The following GALNT13 variants were observed in gnomAD, a reference collection of about 807,000 sequenced individuals.
The protein encoded by GALNT13 is UDP-GalNAc:polypeptide N-acetylgalactosaminyltransferase 13.
In GALNT13, 28 loss-of-function variants were observed where a neutral mutation model predicts 64.2. That is an observed-to-expected ratio of 0.44 (90% CI 0.32 to 0.60). The LOEUF is 0.60. GALNT13 is among the 20% of genes least tolerant of loss of function. GALNT13 has a pLI of 0.05. For synonymous variants in GALNT13, 214 were observed against 224.6 expected, an observed-to-expected ratio of 0.95 and a Z score of 0.42; for missense variants, 577 against 669.8, an observed-to-expected ratio of 0.86 and a Z score of 1.53.
At chr2:153,190,966 G>GT in the GALNT13 span, among the ~76,000 whole-genome samples, 1 of 150,884 alleles carries the variant, frequency 6.6e-6, no homozygotes, top group East Asian at 1.9e-4. Flanking sequence ...GATCTAAGAG[G>GT]TTTTTTTAAG....
At chr2:153,777,936 C>T in the GALNT13 span, among the ~76,000 whole-genome samples, 1 of 152,182 alleles carries the variant, frequency 6.6e-6, no homozygotes, top group African/African-American at 2.4e-5. Flanking sequence ...AATCAGATCA[C>T]ACATCAGCTT....
intron 9 of GALNT13, among the ~76,000 whole-genome samples, chr2:154,329,659 G>C (rs547340704): frequency 4.6e-5 from 7 of 152,172 alleles, no homozygotes; most frequent in African/African-American, 1.4e-4. Flanking sequence ...CCCAGTGTTG[G>C]AGGTAGAGCC....
intron 3 of GALNT13, among the ~76,000 whole-genome samples, chr2:154,037,735 C>G (rs1698744825): frequency 6.6e-6 from 1 of 152,026 alleles, no homozygotes; most frequent in Non-Finnish European, 1.5e-5. Flanking sequence ...GAAAAGAAGT[C>G]AAGAAAGTAA....
the GALNT13 span, among the ~76,000 whole-genome samples, chr2:153,849,337 A>G: frequency 6.6e-6 from 1 of 152,186 alleles, no homozygotes; most frequent in Admixed American, 6.5e-5. Flanking sequence ...TCCCTTAGAG[A>G]ATAGAAATAA....
At chr2:154,449,978 G>A (rs1701801607) in intron 12 of GALNT13, among the ~76,000 whole-genome samples, 1 of 151,978 alleles carries the variant, frequency 6.6e-6, no homozygotes. Context: ...AACATCTCTA[G>A]CAGTTTTGTT....
rs559298272 is a variant in GALNT13 at position 154,292,356 on chromosome 2, A to G, written c.976-9053A>G. Among the ~76,000 whole-genome samples, 3 of 152,362 alleles carry G rather than the reference A, an allele frequency of 2.0e-5. No individual in the cohort carries two copies. In the South Asian group the frequency reaches 6.2e-4, roughly 32 times the overall value. On this transcript the variant is annotated intron_variant, in intron 8 of 12. Transcript: ENST00000392825. ...TTAAATTCCTCTCTATTTCACTGCCATCACCTTGGGCAAAGTCATTATCAT... is the reference window on the plus strand; with the variant it reads ...TTAAATTCCTCTCTATTTCACTGCCGTCACCTTGGGCAAAGTCATTATCAT...
At chr2:153,522,281 C>T in the GALNT13 span, among the ~76,000 whole-genome samples, 6 of 151,406 alleles carry the variant, frequency 4.0e-5, no homozygotes, top group African/African-American at 1.5e-4. Flanking sequence ...CGCAGTGAGC[C>T]CAGATCGCGC....
intron 4 of GALNT13, among the ~76,000 whole-genome samples, chr2:154,227,440 A>G (rs977097289): frequency 1.3e-5 from 2 of 150,004 alleles, no homozygotes; most frequent in Non-Finnish European, 3.0e-5. Context: ...GTAACTCGTT[A>G]TTTAACATTA....
intron 4 of GALNT13, among the ~76,000 whole-genome samples, chr2:154,150,661 A>G (rs1266576684): frequency 6.6e-6 from 1 of 151,820 alleles, no homozygotes; most frequent in Non-Finnish European, 1.5e-5. Context: ...GTCTTGGGAG[A>G]GTGTTTGTGT....
intron 4 of GALNT13, among the ~76,000 whole-genome samples, chr2:154,174,658 T>A (rs1397715599): frequency 1.3e-5 from 2 of 152,106 alleles, no homozygotes; most frequent in Non-Finnish European, 2.9e-5. Flanking sequence ...ATAACCTTTA[T>A]TTCCTTTCTT....
intron 1 of GALNT13, among the ~76,000 whole-genome samples, chr2:153,873,295 G>A (rs1686119077): frequency 1.3e-5 from 2 of 152,320 alleles, no homozygotes; most frequent in South Asian, 4.1e-4. Flanking sequence ...GGAGGGCACC[G>A]CAGCAGGCTC....
intron 9 of GALNT13, among the ~76,000 whole-genome samples, chr2:154,330,837 A>G (rs1270294536): frequency 6.6e-6 from 1 of 152,150 alleles, no homozygotes; most frequent in Admixed American, 6.6e-5. Context: ...TTTAAACAAC[A>G]TAACCCTTCC....
chr2:153,736,100 A>G, the GALNT13 span, among the ~76,000 whole-genome samples: 1 of 152,186 alleles, frequency 6.6e-6, no homozygotes, highest in African/African-American at 2.4e-5. Flanking sequence ...ACAGTTGCCA[A>G]ATGATGATGA....
At chr2:153,246,308 G>T in the GALNT13 span, among the ~76,000 whole-genome samples, 1 of 152,146 alleles carries the variant, frequency 6.6e-6, no homozygotes, top group Non-Finnish European at 1.5e-5. Flanking sequence ...ACACCACTAA[G>T]ATAGTCCTCG....
chr2:153,802,977 T>G, the GALNT13 span, among the ~76,000 whole-genome samples: 1 of 152,372 alleles, frequency 6.6e-6, no homozygotes, highest in Non-Finnish European at 1.5e-5. Flanking sequence ...ATTCTGCTAC[T>G]TTCTGGCTGT....
the GALNT13 span, among the ~76,000 whole-genome samples, chr2:153,165,866 T>G: frequency 1.3e-5 from 2 of 152,208 alleles, no homozygotes; most frequent in African/African-American, 4.8e-5. Context: ...TTTTCATTAT[T>G]ATCATGACCA....
the GALNT13 span, among the ~76,000 whole-genome samples, chr2:153,155,170 A>G: frequency 2.0e-5 from 3 of 152,250 alleles, no homozygotes; most frequent in East Asian, 5.8e-4. Context: ...TTCATCAAGG[A>G]TATTGGCCTG....
At position 154,452,010 on chromosome 2, in the gene GALNT13, A is replaced by C. The variant is rs1701889866; in HGVS notation, c.*1459A>C. 2 of 152,150 alleles carry C rather than the reference A, an allele frequency of 1.3e-5. No homozygotes were observed. Among genetic ancestry groups the C allele is most frequent in the South Asian group, 2.1e-4 (1 of 4,820 alleles). The allele number at this position is 152,150 out of a possible 1,614,324, so 9.4% of individuals were successfully genotyped here. On this transcript the variant is annotated 3_prime_UTR_variant, in exon 13 of 13. Transcript: ENST00000392825. ...AACTATGTCTCTGACATGCACATAC[A>C]CTGCTTTATAATGAAAATGAGGACA...
At chr2:153,304,305 C>T in the GALNT13 span, among the ~76,000 whole-genome samples, 1 of 151,942 alleles carries the variant, frequency 6.6e-6, no homozygotes, top group African/African-American at 2.4e-5. Flanking sequence ...TTGGATGCTG[C>T]TTCTCTGCTG....
Sources: allele counts gnomAD v4.1 joint callset (sites outside exome capture counted in the v4.1 genomes callset), GRCh38; gene constraint gnomAD v4.1.1; transcripts MANE v1.5; gene names NCBI Gene and HGNC (gene_info 2026-07-23, HGNC 2026-07-21).